HUWE1: variants seen among roughly 807,000 people sequenced by gnomAD.
HUWE1 encodes HECT, UBA and WWE domain containing E3 ubiquitin protein ligase 1.
In HUWE1, 18 loss-of-function variants were observed where a neutral mutation model predicts 299.4. That is an observed-to-expected ratio of 0.06 (90% CI 0.04 to 0.09). HUWE1 has a LOEUF of 0.09. HUWE1 is among the 10% of genes least tolerant of loss of function. HUWE1 has a pLI of 1.00. For missense variants in HUWE1, 1,832 were observed against 3,462.3 expected (o/e 0.53, Z 11.82); for synonymous variants, 1,317 against 1,286.1 (o/e 1.02, Z -0.51).
At position 53,627,484 on chromosome X, in the gene HUWE1, G is replaced by A. The variant is rs2066587739; in HGVS notation, c.1415C>T (p.Pro472Leu). 1 of 1,201,817 alleles carries A rather than the reference G, an allele frequency of 8.3e-7. No homozygotes were observed. Among genetic ancestry groups the A allele is most frequent in the South Asian group, 1.8e-5 (1 of 56,315 alleles). The change falls in exon 17 of 84, where the codon CCG (proline) becomes CTG (leucine). Residue 472 changes from proline to leucine, a missense_variant. Around this residue, in one of 15 missense-constraint regions of HUWE1, gnomAD observed 658 missense variants for 1,282.6 expected, o/e 0.51. Transcript: ENST00000262854. Reference protein sequence around the residue: ...HEVDLCRKECPFVIKPKIQRP... With the variant: ...HEVDLCRKECLFVIKPKIQRP... ...CTGGATCTTTGGCTTGATCACAAAC[G>A]GACATTCTTTTCGGCACAAATCTAC... is the stretch of plus-strand genomic sequence containing the variant.
At chrX:53,544,010 GA>G in intron 72 of HUWE1, 42 bp from the exon 73 acceptor site, 2 of 1,099,327 alleles carry the variant, frequency 1.8e-6, no homozygotes, top group Non-Finnish European at 2.5e-6. Flanking sequence ...TAAAATATAG[GA>G]AGAGGGAAAG....
rs782815282 is a variant in HUWE1, at chrX:53,566,133, G to GTGTGTGTATA, written c.6708-895_6708-894insTATACACACA. ...TATGTATGTATGTGTGTGTGTGTGT[G>GTGTGTGTATA]TATATATATATATATATATATATAT... On this transcript the variant is annotated intron_variant, in intron 49 of 83. Coordinates refer to ENST00000262854, the MANE Select transcript of HUWE1 (RefSeq NM_031407.7). 8.5e-4 allele frequency among the ~76,000 whole-genome samples: 33 copies of GTGTGTGTATA among 38,959 alleles called. 1 individual carries two copies. Among genetic ancestry groups the GTGTGTGTATA allele is most frequent in the South Asian group, 2.8e-3 (2 of 726 alleles). The allele number at this position is 38,959 out of a possible 115,157, so 33.8% of individuals were successfully genotyped here.
intron 49 of HUWE1, among the ~76,000 whole-genome samples, 166 bp from the exon 50 acceptor site, chrX:53,565,405 A>G (rs1251033957): frequency 2.7e-5 from 3 of 111,639 alleles, no homozygotes; most frequent in Admixed American, 1.9e-4. Flanking sequence ...TTTGACTTAA[A>G]TGTCTTCAAG....
chrX:53,578,839 A>C (rs1356236374), intron 43 of HUWE1, among the ~76,000 whole-genome samples: 5 of 50,389 alleles, frequency 9.9e-5, no homozygotes, highest in African/African-American at 1.6e-4. Flanking sequence ...CCAGCCGCCC[A>C]GTCCGGGAGG....
intron 23 of HUWE1, among the ~76,000 whole-genome samples, chrX:53,609,160 A>C (rs1284781253): frequency 1.8e-5 from 2 of 111,379 alleles, no homozygotes; most frequent in Non-Finnish European, 3.8e-5. Flanking sequence ...CAGGAAAAAA[A>C]CAGCTGAAAT....
At position 53,547,753 on chromosome X, in the gene HUWE1, G is replaced by A. The variant is rs782241218; in HGVS notation, c.10556C>T (p.Ala3519Val). 2 of 1,204,226 alleles carry A rather than the reference G, an allele frequency of 1.7e-6. No individual in the cohort carries two copies. The highest frequency in any genetic ancestry group is 5.9e-5 in the East Asian group (2 of 33,645). ...GACAATGGTGGAAATAGCCGTGGCA[G>A]CAACCAGGGCTGGAGCAGAAGTGAC... ...TPVTSAPALV[A>V]ATAISTIVVA... The change falls in exon 68 of 84, where the codon GCT (alanine) becomes GTT (valine). Residue 3519 changes from alanine to valine, a missense_variant. Transcript: ENST00000262854.
intron 29 of HUWE1, among the ~76,000 whole-genome samples, chrX:53,596,816 A>G (rs2064506775): frequency 8.9e-6 from 1 of 112,605 alleles, no homozygotes; most frequent in African/African-American, 3.2e-5. Context: ...AAGTCATGAC[A>G]CTTCAAGAAA....
intron 9 of HUWE1, 114 bp from the exon 10 acceptor site, chrX:53,631,728 G>A (rs2066889995): frequency 1.9e-6 from 1 of 535,762 alleles, no homozygotes; most frequent in Non-Finnish European, 3.3e-6. Flanking sequence ...ATAGGCTGAA[G>A]CCTAAGTGAA....
chrX:53,604,873 G>C, intron 25 of HUWE1, 39 bp from the exon 26 acceptor site: 2 of 1,149,492 alleles, frequency 1.7e-6, no homozygotes, highest in Non-Finnish European at 2.4e-6. Flanking sequence ...AATATACAAT[G>C]AACTTCAAAT....
intron 19 of HUWE1, among the ~76,000 whole-genome samples, chrX:53,619,315 G>A (rs2065983648): frequency 1.8e-5 from 2 of 111,126 alleles, no homozygotes; most frequent in African/African-American, 6.6e-5. Context: ...AGAAATGTAT[G>A]AATTCTATAG....
At chrX:53,587,010 A>G (rs939869963) in intron 37 of HUWE1, 101 bp from the exon 38 acceptor site, 117 of 937,043 alleles carry the variant, frequency 1.2e-4, no homozygotes, top group South Asian at 9.0e-4. Context: ...AGGGTAAATA[A>G]TAATAGAATT....
At chrX:53,682,916 T>G (rs1355025255) in intron 2 of HUWE1, among the ~76,000 whole-genome samples, 2 of 111,710 alleles carry the variant, frequency 1.8e-5, no homozygotes, top group Admixed American at 1.9e-4. Flanking sequence ...CCACTTAAAC[T>G]GCAATATCCA....
chrX:53,631,501 T>C lies in HUWE1; in HGVS notation c.694-19A>G, dbSNP rs782045201. On this transcript the variant is annotated intron_variant, in intron 10 of 83. Coordinates refer to ENST00000262854, the MANE Select transcript of HUWE1 (RefSeq NM_031407.7). ...CTGAAATCTACATTAAAAAAAAAGA[T>C]ATAGTTAGGAACAAAAAGTGAACCA... 3.4e-6 allele frequency: 4 copies of C among 1,176,652 alleles called. No homozygotes were observed. The African/African-American group carries it at 5.3e-5, about 16-fold the overall frequency.
chrX:53,556,900 GA>G lies in HUWE1; in HGVS notation c.8206+481del, dbSNP rs1284041694. 1.1e-4 allele frequency among the ~76,000 whole-genome samples: 12 copies of G among 112,144 alleles called. No individual in the cohort carries two copies. The East Asian group carries it at 3.3e-3, about 31-fold the overall frequency. On this transcript the variant is annotated intron_variant, in intron 60 of 83. Coordinates refer to ENST00000262854, the MANE Select transcript of HUWE1 (RefSeq NM_031407.7). ...AAATACAAAAACAGCCTTTTAAATGGAATAAATTCAGCTTTATGAAAAAGGC... is the reference window on the plus strand; with the variant it reads ...AAATACAAAAACAGCCTTTTAAATGGATAAATTCAGCTTTATGAAAAAGGC...
chrX:53,568,655 A>G (rs1188431480), intron 49 of HUWE1, 37 bp downstream of exon 49: 2 of 1,171,398 alleles, frequency 1.7e-6, no homozygotes, highest in Admixed American at 4.5e-5. Flanking sequence ...GTGAGGCTGA[A>G]GAGAAGGAAA....
At chrX:53,566,289 C>T (rs2062569796) in intron 49 of HUWE1, among the ~76,000 whole-genome samples, 1 of 106,549 alleles carries the variant, frequency 9.4e-6, no homozygotes, top group Admixed American at 1.0e-4. Flanking sequence ...TGGGATATCT[C>T]ATTGTGCCAA....
chrX:53,573,192 C>G (rs1367007824), intron 47 of HUWE1, among the ~76,000 whole-genome samples: 1 of 111,674 alleles, frequency 9.0e-6, no homozygotes, highest in Non-Finnish European at 1.9e-5. Flanking sequence ...TAGAACAAAT[C>G]TCATTAACTC....
chrX:53,565,287 G>A (rs782386825), intron 49 of HUWE1, 48 bp from the exon 50 acceptor site: 6 of 1,053,702 alleles, frequency 5.7e-6, no homozygotes, highest in South Asian at 2.0e-5. Flanking sequence ...GAAATACTAG[G>A]TGTCTATCTT....
At chrX:53,612,056 T>C (rs1956219770) in intron 23 of HUWE1, among the ~76,000 whole-genome samples, 1 of 111,257 alleles carries the variant, frequency 9.0e-6, no homozygotes, top group Admixed American at 9.5e-5. Context: ...TTTCACCATA[T>C]TGTGAGAAAG....
Sources: gnomAD v4.1 joint callset for allele counts (sites outside exome capture counted in the v4.1 genomes callset) on GRCh38, gnomAD v4.1.1 for gene constraint, gnomAD v4.1.1 regional missense constraint, MANE v1.5 for transcripts, NCBI Gene and HGNC (gene_info 2026-07-23, HGNC 2026-07-21) for gene names.